Variants in NUDCD2 observed in about 807,000 individuals in gnomAD.
The protein encoded by NUDCD2 is NudC domain containing 2.
Under a neutral mutation model 20.8 loss-of-function variants are expected in NUDCD2, and 16 were observed. The observed-to-expected ratio is 0.77, with a 90% confidence interval of 0.52 to 1.17. NUDCD2 has a LOEUF of 1.17. NUDCD2 is among the 50% of genes most tolerant of loss of function. NUDCD2 has a pLI of 0.00. For missense variants in NUDCD2, 199 were observed against 193.9 expected, an observed-to-expected ratio of 1.03 and a Z score of -0.16; for synonymous variants, 87 against 72.8, an observed-to-expected ratio of 1.20 and a Z score of -1.00.
chr5:163,459,818 G>T (rs1758433467), intron 1 of NUDCD2, 44 bp downstream of exon 1: 1 of 1,534,654 alleles, frequency 6.5e-7, no homozygotes, highest in East Asian at 2.3e-5. Context: ...GGCTGGGGGC[G>T]TCTGGGAAGA....
Position 163,448,673 on chromosome 5 carries a change from AAAAC to A in NUDCD2, c.*5290_*5293del, listed in dbSNP as rs1047200599. On this transcript the variant is annotated 3_prime_UTR_variant, in exon 4 of 4. Coordinates refer to ENST00000302764, the MANE Select transcript of NUDCD2 (RefSeq NM_145266.6). Reference sequence around the variant, plus strand: ...ACCAAGATAAAGATAACACAAGGAAAAAACAAACAAAAACAATTGCACAATATCC... The same window carrying A: ...ACCAAGATAAAGATAACACAAGGAAAAAACAAAAACAATTGCACAATATCC... 7 of 152,230 alleles carry A rather than the reference AAAAC, an allele frequency of 4.6e-5. No homozygotes were observed. The highest frequency in any genetic ancestry group is 7.2e-5 in the African/African-American group (3 of 41,462). 9.4% of individuals were successfully genotyped at this position (152,230 alleles called of 1,614,324 possible).
chr5:163,458,393 T>C (rs1168783972), intron 1 of NUDCD2, among the ~76,000 whole-genome samples: 1 of 152,130 alleles, frequency 6.6e-6, no homozygotes, highest in Non-Finnish European at 1.5e-5. Context: ...TGACTAACTG[T>C]TCACAAACTC....
chr5:163,456,064 ATGTTAGGG>A (rs1278152576), intron 3 of NUDCD2, among the ~76,000 whole-genome samples: 2 of 152,186 alleles, frequency 1.3e-5, no homozygotes, highest in Non-Finnish European at 1.5e-5. Flanking sequence ...ATATGGAAGG[ATGTTAGGG>A]TGTTCAACTT....
rs1758052456 is a variant in NUDCD2, at chr5:163,446,966, A to G, written c.*7001T>C. 6.6e-6 allele frequency: 1 copy of G among 152,248 alleles called. No homozygotes were observed. The highest frequency in any genetic ancestry group is 6.5e-5 in the Admixed American group (1 of 15,282). 9.4% of individuals were successfully genotyped at this position (152,248 alleles called of 1,614,324 possible). A position where few individuals can be genotyped will look rare whatever the true frequency, so the allele number is the denominator to read the frequency against. ...TGAGGCAGTGAGACAAGATCACACCACTGCTCTCCAACCTGGGCAACAGAG... is the reference window on the plus strand; with the variant it reads ...TGAGGCAGTGAGACAAGATCACACCGCTGCTCTCCAACCTGGGCAACAGAG... On this transcript the variant is annotated 3_prime_UTR_variant, in exon 4 of 4. Transcript: ENST00000302764.
Position 163,450,477 on chromosome 5 carries a change from C to G in NUDCD2, c.*3490G>C, listed in dbSNP as rs780156372. The stretch of plus-strand genomic sequence containing the variant: ...TACCCAGAATATATAAAGACTCTTA[C>G]TACCCAATAAGACAACTAAAAAAAT... On this transcript the variant is annotated 3_prime_UTR_variant, in exon 4 of 4. Transcript: ENST00000302764. The G allele has an allele frequency of 2.6e-5, 4 of 152,256 alleles. No homozygotes were observed. The highest frequency in any genetic ancestry group is 4.1e-4 in the South Asian group (2 of 4,822). 9.4% of individuals were successfully genotyped at this position (152,256 alleles called of 1,614,324 possible).
chr5:163,446,964 C>T lies in NUDCD2; in HGVS notation c.*7003G>A, dbSNP rs1758052394. The T allele has an allele frequency of 1.3e-5, 2 of 152,188 alleles. No homozygotes were observed. The highest frequency in any genetic ancestry group is 4.1e-4 in the South Asian group (2 of 4,834). The allele number at this position is 152,188 out of a possible 1,614,324, so 9.4% of individuals were successfully genotyped here. A position where few individuals can be genotyped will look rare whatever the true frequency, so the allele number is the denominator to read the frequency against. ...TGTGAGGCAGTGAGACAAGATCACA[C>T]CACTGCTCTCCAACCTGGGCAACAG... On this transcript the variant is annotated 3_prime_UTR_variant, in exon 4 of 4. Coordinates refer to ENST00000302764, the MANE Select transcript of NUDCD2 (RefSeq NM_145266.6).
chr5:163,448,023 T>C lies in NUDCD2; in HGVS notation c.*5944A>G. On this transcript the variant is annotated 3_prime_UTR_variant, in exon 4 of 4. Transcript: ENST00000302764. Reference sequence around the variant, plus strand: ...GAAAGTAGGAAAATCTAACTGGGTGTGGTGGCACACCACTATAGTCCCAGC... The same window carrying C: ...GAAAGTAGGAAAATCTAACTGGGTGCGGTGGCACACCACTATAGTCCCAGC... 6.6e-6 allele frequency: 1 copy of C among 151,918 alleles called. No homozygotes were observed. The highest frequency in any genetic ancestry group is 1.9e-4 in the East Asian group (1 of 5,154). The allele number at this position is 151,918 out of a possible 1,614,324, so 9.4% of individuals were successfully genotyped here.
chr5:163,456,315 C>G (rs2113421953), intron 3 of NUDCD2, among the ~76,000 whole-genome samples: 1 of 152,264 alleles, frequency 6.6e-6, no homozygotes, highest in South Asian at 2.1e-4. Context: ...GAAAGCACAG[C>G]TTTCTTTAAA....
chr5:163,458,595 T>C (rs551287686), intron 1 of NUDCD2, among the ~76,000 whole-genome samples: 27 of 151,858 alleles, frequency 1.8e-4, no homozygotes, highest in African/African-American at 6.3e-4. Flanking sequence ...TCAATAAATA[T>C]ATATTTTTTT....
rs1025955144 is a variant in NUDCD2, at chr5:163,449,607, A to G, written c.*4360T>C. ...GAAGGCAAAGAAACTAAATTAGCCAAAACAATTTTGAAAAAGATTTCAAAA... is the reference window on the plus strand; with the variant it reads ...GAAGGCAAAGAAACTAAATTAGCCAGAACAATTTTGAAAAAGATTTCAAAA... On this transcript the variant is annotated 3_prime_UTR_variant, in exon 4 of 4. Transcript: ENST00000302764. The G allele has an allele frequency of 2.0e-5, 3 of 152,224 alleles. No individual in the cohort carries two copies. The highest frequency in any genetic ancestry group is 2.9e-5 in the Non-Finnish European group (2 of 68,034). The allele number at this position is 152,224 out of a possible 1,614,324, so 9.4% of individuals were successfully genotyped here.
chr5:163,456,929 T>C lies in NUDCD2; in HGVS notation c.390A>G (p.Glu130=). ...RKLTLERFQK[E]NPGFDFSGAE... ...TACTCATACACTTCATCTGACTTAC[T>C]TCTTTTTGGAATCTCTCTAATGTAA... The change falls in exon 3 of 4, where the codon GAA becomes GAG. Residue 130 remains glutamate (E), a splice_region_variant and synonymous_variant. Coordinates refer to ENST00000302764, the MANE Select transcript of NUDCD2 (RefSeq NM_145266.6). 1 of 1,599,474 alleles carries C rather than the reference T, an allele frequency of 6.3e-7. No individual in the cohort carries two copies. The highest frequency in any genetic ancestry group is 8.5e-7 in the Non-Finnish European group (1 of 1,173,416).
intron 3 of NUDCD2, among the ~76,000 whole-genome samples, chr5:163,454,983 T>C (rs547592588): frequency 6.6e-6 from 1 of 152,316 alleles, no homozygotes; most frequent in African/African-American, 2.4e-5. Context: ...GCAGTCCACA[T>C]AGTCTCTGTC....
intron 3 of NUDCD2, among the ~76,000 whole-genome samples, chr5:163,454,477 G>A (rs1367596979): frequency 2.6e-5 from 4 of 152,088 alleles, no homozygotes; most frequent in African/African-American, 4.8e-5. Context: ...GAGTAGCTGC[G>A]ATTACAGGCA....
At chr5:163,454,520 T>C (rs1006886249) in intron 3 of NUDCD2, among the ~76,000 whole-genome samples, 4 of 152,276 alleles carry the variant, frequency 2.6e-5, no homozygotes, top group Non-Finnish European at 5.9e-5. Flanking sequence ...TTTGTATTTT[T>C]AGTAGACACG....
chr5:163,457,424 T>G, intron 2 of NUDCD2, 138 bp downstream of exon 2: 1 of 632,858 alleles, frequency 1.6e-6, no homozygotes, highest in Non-Finnish European at 2.8e-6. Context: ...TAGGTAACTT[T>G]GACATACAAC....
Position 163,453,958 on chromosome 5 carries a change from A to G in NUDCD2, c.*9T>C. ...TGCTAGGATCCACAGAATGCAGGAA[A>G]AAAAGCAGTTATTTCTCAAGGTTTG... On this transcript the variant is annotated 3_prime_UTR_variant, in exon 4 of 4. Transcript: ENST00000302764. 6.7e-7 allele frequency: 1 copy of G among 1,486,106 alleles called. No homozygotes were observed. Among genetic ancestry groups the G allele is most frequent in the Non-Finnish European group, 9.1e-7 (1 of 1,098,634 alleles). 92.1% of individuals were successfully genotyped at this position (1,486,106 alleles called of 1,614,324 possible).
rs961168012 is a variant in NUDCD2 at position 163,452,828 on chromosome 5, C to A, written c.*1139G>T. 21 of 152,076 alleles carry A rather than the reference C, an allele frequency of 1.4e-4. No homozygotes were observed. The highest frequency in any genetic ancestry group is 1.2e-3 in the Admixed American group (19 of 15,276). The allele number at this position is 152,076 out of a possible 1,614,324, so 9.4% of individuals were successfully genotyped here. On this transcript the variant is annotated 3_prime_UTR_variant, in exon 4 of 4. Coordinates refer to ENST00000302764, the MANE Select transcript of NUDCD2 (RefSeq NM_145266.6). Reference sequence around the variant, plus strand: ...TTCTACAAAACTAGCCCATAATTGTCAAAAGTACTAAGTTGTAAAAGGAAA... The same window carrying A: ...TTCTACAAAACTAGCCCATAATTGTAAAAAGTACTAAGTTGTAAAAGGAAA...
rs1185215351 is a variant in NUDCD2 at position 163,447,582 on chromosome 5, G to A, written c.*6385C>T. 2 of 151,982 alleles carry A rather than the reference G, an allele frequency of 1.3e-5. No individual in the cohort carries two copies. Among genetic ancestry groups the A allele is most frequent in the Non-Finnish European group, 2.9e-5 (2 of 68,014 alleles). 9.4% of individuals were successfully genotyped at this position (151,982 alleles called of 1,614,324 possible). A position where few individuals can be genotyped will look rare whatever the true frequency, so the allele number is the denominator to read the frequency against. ...TTAATAGAAAATTAGCAAAGATGTA[G>A]GAAAATGGAATAATACTAATAACCA... On this transcript the variant is annotated 3_prime_UTR_variant, in exon 4 of 4. Transcript: ENST00000302764.
rs1758138705 is a variant in NUDCD2, at chr5:163,450,012, C to T, written c.*3955G>A. 6.6e-6 allele frequency: 1 copy of T among 152,038 alleles called. No homozygotes were observed. The highest frequency in any genetic ancestry group is 2.1e-4 in the South Asian group (1 of 4,830). 9.4% of individuals were successfully genotyped at this position (152,038 alleles called of 1,614,324 possible). ...GCTCATGCCTGTAATCCCAGCACTT[C>T]AGAGGCTGAGGCGGGCAGATCCGTT... On this transcript the variant is annotated 3_prime_UTR_variant, in exon 4 of 4. Coordinates refer to ENST00000302764, the MANE Select transcript of NUDCD2 (RefSeq NM_145266.6).
Sources: gnomAD v4.1 joint callset for allele counts (sites outside exome capture counted in the v4.1 genomes callset) on GRCh38, gnomAD v4.1.1 for gene constraint, MANE v1.5 for transcripts, NCBI Gene and HGNC (gene_info 2026-07-23, HGNC 2026-07-21) for gene names.